Variants in CASZ1 observed in about 807,000 individuals in gnomAD.
The protein encoded by CASZ1 is zinc finger protein castor homolog 1.
A neutral mutation model predicts 135.2 loss-of-function variants in CASZ1; 28 were observed. That is an observed-to-expected ratio of 0.21 (90% confidence interval 0.15 to 0.28). The LOEUF is 0.28. Ranked by LOEUF, CASZ1 falls within the 10% of genes least tolerant of loss-of-function variation. CASZ1 has a pLI of 1.00. For missense variants in CASZ1, 2,161 were observed against 2,453.3 expected (o/e 0.88, Z 2.52); for synonymous variants, 1,068 against 1,073.4 (o/e 0.99, Z 0.10).
rs706007 is a variant in CASZ1, at chr1:10,720,670, A to G, written c.-76-15126T>C. On this transcript the variant is annotated intron_variant, in intron 2 of 20. Transcript: ENST00000377022. The surrounding 1 kb of genome is among the most constrained non-coding windows in gnomAD (Gnocchi z 5.7). ...TTCGAGTACATGTGATAATGACTCC[A>G]GGCTTCGCTTCTGCTGCCCCCAGAA... Among the ~76,000 whole-genome samples, 29,276 of 152,182 alleles carry G rather than the reference A, an allele frequency of 0.19. 4,155 individuals carry two copies. The highest frequency in any genetic ancestry group is 0.38 in the African/African-American group (15,846 of 41,488).
chr1:10,770,204 C>T (rs1455780780), intron 1 of CASZ1, among the ~76,000 whole-genome samples: 1 of 152,112 alleles, frequency 6.6e-6, no homozygotes, highest in Non-Finnish European at 1.5e-5. Context: ...CCCACCTCAG[C>T]CTCTCAAGTA....
In CASZ1 at chr1:10,646,344, C is replaced by T. The variant is rs761856248; in HGVS notation, c.3498-18G>A. The T allele has an allele frequency of 5.0e-6, 8 of 1,612,714 alleles. No individual in the cohort carries two copies. The South Asian group carries it at 8.8e-5, about 18-fold the overall frequency. ...AAGGATCGCTGGAAGGAAACCACAGCCCAGAAGGTCATTGCCATTCTCAAG... is the reference window on the plus strand; with the variant it reads ...AAGGATCGCTGGAAGGAAACCACAGTCCAGAAGGTCATTGCCATTCTCAAG... On this transcript the variant is annotated intron_variant, in intron 16 of 20. Transcript: ENST00000377022. The surrounding 1 kb of genome is among the most constrained non-coding windows in gnomAD (Gnocchi z 6.4).
In CASZ1 at chr1:10,726,444, C is replaced by T. The variant is rs546472338; in HGVS notation, c.-76-20900G>A. ...GCCATCACAGTCCTCCTGGCTGGAG[C>T]CGGAGGGAGGAGGAGGGCGGTGTAG... is the stretch of plus-strand genomic sequence containing the variant. On this transcript the variant is annotated intron_variant, in intron 2 of 20. Transcript: ENST00000377022. The surrounding 1 kb of genome is among the most constrained non-coding windows in gnomAD (Gnocchi z 5.7). Among the ~76,000 whole-genome samples the T allele has an allele frequency of 1.3e-5, 2 of 152,186 alleles. No individual in the cohort carries two copies. Among genetic ancestry groups the T allele is most frequent in the Non-Finnish European group, 2.9e-5 (2 of 68,030 alleles).
At position 10,639,981 on chromosome 1, in the gene CASZ1, T is replaced by C; in HGVS notation, c.4241A>G (p.Lys1414Arg). 6.2e-7 allele frequency: 1 copy of C among 1,612,776 alleles called. No individual in the cohort carries two copies. The highest frequency in any genetic ancestry group is 8.5e-7 in the Non-Finnish European group (1 of 1,180,006). The change falls in exon 21 of 21, where the codon AAG becomes AGG. Residue 1414 changes from lysine to arginine, a missense_variant. Transcript: ENST00000377022. This position sits in a 1 kb window ranked among gnomAD's most constrained non-coding sequence, Gnocchi z 4.0. ...CCGGGAGGACGCCGTCTTCCGCCGCTTGCCGAAGGGCGACATGTCCTCGAT... is the reference window on the plus strand; with the variant it reads ...CCGGGAGGACGCCGTCTTCCGCCGCCTGCCGAAGGGCGACATGTCCTCGAT... ...WIIEDMSPFG[K>R]RRKTASSRKM...
At chr1:10,659,016 G>A (rs1389244853) in intron 6 of CASZ1, among the ~76,000 whole-genome samples, 2 of 152,182 alleles carry the variant, frequency 1.3e-5, no homozygotes, top group African/African-American at 2.4e-5. Flanking sequence ...CCTGGGGTCC[G>A]GGAGCCCCCC....
At position 10,666,718 on chromosome 1, in the gene CASZ1, GGGGGGGCATACGGCAAGCCCACCCA is replaced by G. The variant is rs1643247736; in HGVS notation, c.17-1172_17-1148del. Among the ~76,000 whole-genome samples, 1 of 152,146 alleles carries G rather than the reference GGGGGGGCATACGGCAAGCCCACCCA, an allele frequency of 6.6e-6. No individual in the cohort carries two copies. Among genetic ancestry groups the G allele is most frequent in the African/African-American group, 2.4e-5 (1 of 41,422 alleles). On this transcript the variant is annotated intron_variant, in intron 4 of 20. Coordinates refer to ENST00000377022, the MANE Select transcript of CASZ1 (RefSeq NM_001079843.3). The surrounding 1 kb of genome is among the most constrained non-coding windows in gnomAD (Gnocchi z 5.2). ...TCCCTGATAGGGCACCGAGGGTCCTGGGGGGGCATACGGCAAGCCCACCCACCACACAGCCTGGGACCTGCCACAA... is the reference window on the plus strand; with the variant it reads ...TCCCTGATAGGGCACCGAGGGTCCTGCCACACAGCCTGGGACCTGCCACAA...
intron 8 of CASZ1, 26 bp from the exon 9 acceptor site, chr1:10,655,839 C>T (rs1349694956): frequency 5.6e-6 from 9 of 1,608,558 alleles, no homozygotes; most frequent in Admixed American, 1.7e-5. Context: ...GCCACGTGGG[C>T]AGGAGCCTGA....
At chr1:10,652,701 C>G (rs2100215434) in intron 11 of CASZ1, 1 of 152,432 alleles carries the variant, frequency 6.6e-6, no homozygotes, top group Middle Eastern at 3.4e-3. Flanking sequence ...CTCCGGGGCT[C>G]TGGCCCTTTT....
chr1:10,673,421 G>A (rs988122715), intron 4 of CASZ1, among the ~76,000 whole-genome samples: 6 of 151,930 alleles, frequency 3.9e-5, no homozygotes, highest in South Asian at 2.1e-4. Context: ...CTTCTTATCC[G>A]CCAGGGAGGG....
intron 2 of CASZ1, among the ~76,000 whole-genome samples, chr1:10,733,586 TATAACTC>T (rs1639742523): frequency 6.6e-6 from 1 of 152,142 alleles, no homozygotes; most frequent in African/African-American, 2.4e-5. Flanking sequence ...ACCGGGCAAC[TATAACTC>T]AGGGACGGGC....
chr1:10,709,746 G>C lies in CASZ1; in HGVS notation c.-76-4202C>G, dbSNP rs1206026680. ...GCTGAGCAGTGCCCCGGGCAGTGCC[G>C]CAGGGGGATGCGCACCAGGGGGATC... is the stretch of plus-strand genomic sequence containing the variant. On this transcript the variant is annotated intron_variant, in intron 2 of 20. Coordinates refer to ENST00000377022, the MANE Select transcript of CASZ1 (RefSeq NM_001079843.3). The surrounding 1 kb of genome is among the most constrained non-coding windows in gnomAD (Gnocchi z 5.1). Among the ~76,000 whole-genome samples, 1 of 152,164 alleles carries C rather than the reference G, an allele frequency of 6.6e-6. No individual in the cohort carries two copies. The highest frequency in any genetic ancestry group is 1.5e-5 in the Non-Finnish European group (1 of 68,040).
In CASZ1 at chr1:10,709,196, C is replaced by T. The variant is rs1318192311; in HGVS notation, c.-76-3652G>A. 2.0e-5 allele frequency among the ~76,000 whole-genome samples: 3 copies of T among 152,142 alleles called. No individual in the cohort carries two copies. Among genetic ancestry groups the T allele is most frequent in the South Asian group, 2.1e-4 (1 of 4,828 alleles). On this transcript the variant is annotated intron_variant, in intron 2 of 20. Coordinates refer to ENST00000377022, the MANE Select transcript of CASZ1 (RefSeq NM_001079843.3). The surrounding 1 kb of genome is among the most constrained non-coding windows in gnomAD (Gnocchi z 5.1). ...TTATGAAGCACCAGGCCAGGCTCCT[C>T]GGCCAGCACTCCTACCTGCTCCCCA...
rs1640505769 is a variant in CASZ1, at chr1:10,767,893, C to A, written c.-233-7036G>T. On this transcript the variant is annotated intron_variant, in intron 1 of 20. Coordinates refer to ENST00000377022, the MANE Select transcript of CASZ1 (RefSeq NM_001079843.3). The surrounding 1 kb of genome is among the most constrained non-coding windows in gnomAD (Gnocchi z 4.2). Reference sequence around the variant, plus strand: ...ACGACCCTGGCATCACCCCAGTCCCCCAACGCCCACTCCAACCCTAGTCAC... The same window carrying A: ...ACGACCCTGGCATCACCCCAGTCCCACAACGCCCACTCCAACCCTAGTCAC... Among the ~76,000 whole-genome samples, 1 of 152,196 alleles carries A rather than the reference C, an allele frequency of 6.6e-6. No homozygotes were observed. Among genetic ancestry groups the A allele is most frequent in the Non-Finnish European group, 1.5e-5 (1 of 68,034 alleles).
Position 10,776,022 on chromosome 1 carries a change from G to A in CASZ1, c.-233-15165C>T, listed in dbSNP as rs560311387. ...CGCCTCCCAAGTCCCCATCAGTGGG[G>A]TCTGCTCGGTCCCTGTAGCTAATTT... On this transcript the variant is annotated intron_variant, in intron 1 of 20. Coordinates refer to ENST00000377022, the MANE Select transcript of CASZ1 (RefSeq NM_001079843.3). This position sits in a 1 kb window ranked among gnomAD's most constrained non-coding sequence, Gnocchi z 4.1. Among the ~76,000 whole-genome samples the A allele has an allele frequency of 6.6e-6, 1 of 152,208 alleles. No homozygotes were observed. Among genetic ancestry groups the A allele is most frequent in the Non-Finnish European group, 1.5e-5 (1 of 68,032 alleles).
At position 10,711,184 on chromosome 1, in the gene CASZ1, A is replaced by C. The variant is rs1282579764; in HGVS notation, c.-76-5640T>G. ...ACAAAAGTCGAGTTGGTGAGAATTG[A>C]GTTTGAATCCTGCCTCTGCTGCCTC... On this transcript the variant is annotated intron_variant, in intron 2 of 20. Coordinates refer to ENST00000377022, the MANE Select transcript of CASZ1 (RefSeq NM_001079843.3). This position sits in a 1 kb window ranked among gnomAD's most constrained non-coding sequence, Gnocchi z 4.4. 6.6e-6 allele frequency among the ~76,000 whole-genome samples: 1 copy of C among 152,210 alleles called. No individual in the cohort carries two copies.
intron 2 of CASZ1, among the ~76,000 whole-genome samples, chr1:10,714,190 T>A (rs997168186): frequency 6.6e-6 from 1 of 151,894 alleles, no homozygotes; most frequent in African/African-American, 2.4e-5. Context: ...CCTGTAGTAG[T>A]CCCGCTACTG....
chr1:10,643,742 G>A (rs915542924), intron 18 of CASZ1, among the ~76,000 whole-genome samples: 2 of 152,174 alleles, frequency 1.3e-5, no homozygotes, highest in African/African-American at 4.8e-5. Context: ...GCTCTGGGCC[G>A]AGAACAAACA....
In CASZ1 at chr1:10,740,960, C is replaced by CAAAAAAAAA. The variant is rs374464130; in HGVS notation, c.-77+19732_-77+19740dup. ...GCGACAGGGTGAGACCCTGTCTGGA[C>CAAAAAAAAA]AAAAAAAAAAAAAAAAAGAAAAAAA... On this transcript the variant is annotated intron_variant, in intron 2 of 20. Transcript: ENST00000377022. 6.7e-3 allele frequency among the ~76,000 whole-genome samples: 410 copies of CAAAAAAAAA among 61,412 alleles called. 13 individuals carry two copies. Among genetic ancestry groups the CAAAAAAAAA allele is most frequent in the East Asian group, 0.011 (21 of 1,924 alleles). 40.3% of individuals were successfully genotyped at this position (61,412 alleles called of 152,430 possible). A position where few individuals can be genotyped will look rare whatever the true frequency, so the allele number is the denominator to read the frequency against.
rs987670480 is a variant in CASZ1 at position 10,711,682 on chromosome 1, T to C, written c.-76-6138A>G. ...TCAGATGGTAGATACAATTCAAGTG[T>C]CCATGGACTGAGAAATGGACATACA... On this transcript the variant is annotated intron_variant, in intron 2 of 20. Coordinates refer to ENST00000377022, the MANE Select transcript of CASZ1 (RefSeq NM_001079843.3). This position sits in a 1 kb window ranked among gnomAD's most constrained non-coding sequence, Gnocchi z 4.4. 3.3e-5 allele frequency among the ~76,000 whole-genome samples: 5 copies of C among 151,950 alleles called. No individual in the cohort carries two copies. The highest frequency in any genetic ancestry group is 7.4e-5 in the Non-Finnish European group (5 of 68,018).
Sources: gnomAD v4.1 joint callset for allele counts (sites outside exome capture counted in the v4.1 genomes callset) on GRCh38, gnomAD v4.1.1 for gene constraint, Gnocchi (gnomAD v3.1) non-coding constraint, MANE v1.5 for transcripts, NCBI Gene and HGNC (gene_info 2026-07-23, HGNC 2026-07-21) for gene names.